Variants in RBM47 observed in about 807,000 individuals in gnomAD.
RBM47 encodes the protein RNA-binding protein 47.
A neutral mutation model predicts 47.1 loss-of-function variants in RBM47; 21 were observed. The observed-to-expected ratio is 0.45, with a 90% confidence interval of 0.32 to 0.64. RBM47 has a LOEUF of 0.64. Among genes scored for constraint, RBM47 ranks in the 30% least tolerant of loss-of-function variants. The pLI is 0.05. For synonymous variants in RBM47, 375 were observed against 361.7 expected (o/e 1.04, Z -0.42); for missense variants, 708 against 870.9 (o/e 0.81, Z 2.35).
chr4:40,440,475 T>G (rs537548623), intron 3 of RBM47, among the ~76,000 whole-genome samples: 2 of 152,302 alleles, frequency 1.3e-5, no homozygotes, highest in South Asian at 4.1e-4. Flanking sequence ...CTAGGAGATG[T>G]ATACAAGAAT....
intron 2 of RBM47, among the ~76,000 whole-genome samples, chr4:40,504,334 A>G (rs1171301046): frequency 1.4e-5 from 2 of 138,546 alleles, no homozygotes; most frequent in Non-Finnish European, 3.0e-5. Flanking sequence ...TGTGTCACCC[A>G]GTCTAGAGTG....
intron 1 of RBM47, among the ~76,000 whole-genome samples, chr4:40,569,704 C>T (rs577540640): frequency 3.3e-5 from 5 of 149,540 alleles, no homozygotes; most frequent in South Asian, 2.1e-4. Flanking sequence ...TCACCACGCC[C>T]GGCTCTATTC....
At position 40,498,768 on chromosome 4, in the gene RBM47, G is replaced by A. The variant is rs143333584; in HGVS notation, c.-154-32069C>T. ...AAGGTATAAGGCATTTATACATAGC[G>A]TCTGAAAATACAAGTTTTCACTTCT... On this transcript the variant is annotated intron_variant, in intron 2 of 6. Coordinates refer to ENST00000295971, the MANE Select transcript of RBM47 (RefSeq NM_001098634.2). Among the ~76,000 whole-genome samples the A allele has an allele frequency of 4.6e-3, 696 of 151,872 alleles. 5 individuals carry two copies. The highest frequency in any genetic ancestry group is 0.016 in the African/African-American group (652 of 41,398).
At chr4:40,593,883 C>CAAAA (rs34280289) in intron 1 of RBM47, among the ~76,000 whole-genome samples, 3 of 116,256 alleles carry the variant, frequency 2.6e-5, no homozygotes, top group African/African-American at 6.7e-5. Flanking sequence ...GACTCTGTCT[C>CAAAA]AAAAAAAAAA....
At chr4:40,457,553 T>C (rs575987350) in intron 3 of RBM47, among the ~76,000 whole-genome samples, 1 of 152,248 alleles carries the variant, frequency 6.6e-6, no homozygotes, top group South Asian at 2.1e-4. Flanking sequence ...GTGATTTTCG[T>C]GCCTCAGCCT....
chr4:40,490,132 A>G (rs1465746951), intron 2 of RBM47, among the ~76,000 whole-genome samples: 24 of 152,200 alleles, frequency 1.6e-4, no homozygotes, highest in Non-Finnish European at 5.9e-5. Context: ...AACTTCTTCA[A>G]TCTGATAAAT....
intron 2 of RBM47, among the ~76,000 whole-genome samples, chr4:40,478,183 T>C (rs1719905065): frequency 6.6e-6 from 1 of 151,632 alleles, no homozygotes; most frequent in South Asian, 2.1e-4. Context: ...GCCCGGATAA[T>C]TTTGTATTTT....
intron 2 of RBM47, among the ~76,000 whole-genome samples, chr4:40,532,984 T>C (rs1213757267): frequency 1.3e-5 from 2 of 152,094 alleles, no homozygotes; most frequent in Admixed American, 1.3e-4. Context: ...GGACAGGATA[T>C]GAATGGGGCA....
intron 3 of RBM47, among the ~76,000 whole-genome samples, chr4:40,457,566 G>A (rs1219617818): frequency 6.6e-6 from 1 of 152,040 alleles, no homozygotes; most frequent in Non-Finnish European, 1.5e-5. Flanking sequence ...CTCAGCCTGG[G>A]ATTACAGGTG....
intron 1 of RBM47, among the ~76,000 whole-genome samples, chr4:40,561,572 C>A (rs1258112609): frequency 5.3e-5 from 7 of 131,070 alleles, no homozygotes; most frequent in Non-Finnish European, 7.8e-5. Context: ...TTTTTTGAGA[C>A]AGGGTCTTGC....
At chr4:40,514,794 G>C (rs937116550) in intron 2 of RBM47, 3 of 152,246 alleles carry the variant, frequency 2.0e-5, no homozygotes, top group African/African-American at 7.2e-5. Flanking sequence ...CAGGTGGTGG[G>C]GGCGGAGTTG....
intron 2 of RBM47, among the ~76,000 whole-genome samples, chr4:40,480,165 A>G (rs1720190112): frequency 1.3e-5 from 2 of 151,862 alleles, no homozygotes; most frequent in African/African-American, 4.8e-5. Context: ...TTCAGTAGAA[A>G]CAGGGTTTCA....
At position 40,437,854 on chromosome 4, in the gene RBM47, T is replaced by A; in HGVS notation, c.1040A>T (p.Tyr347Phe). 1 of 1,613,916 alleles carries A rather than the reference T, an allele frequency of 6.2e-7. No individual in the cohort carries two copies. Among genetic ancestry groups the A allele is most frequent in the Non-Finnish European group, 8.5e-7 (1 of 1,179,982 alleles). Residue 347 changes from tyrosine (Y) to phenylalanine (F), a missense_variant, in exon 4 of 7, where the codon TAC becomes TTC. By Grantham distance (22) the Tyr-to-Phe change is conservative. Transcript: ENST00000295971. ...GGCCAGTGTGTAGGGGTCGCAGGAG[T>A]ACACGTAGCTGGGCTGCTGCGCTGC... ...AEAAQQPSYV[Y>F]SCDPYTLAYY...
intron 2 of RBM47, among the ~76,000 whole-genome samples, chr4:40,524,545 T>C (rs1726515714): frequency 6.6e-6 from 1 of 152,222 alleles, no homozygotes; most frequent in Non-Finnish European, 1.5e-5. Flanking sequence ...GGAAGTGCCG[T>C]GTGTGTCAAG....
At chr4:40,504,000 C>G (rs1376306006) in intron 2 of RBM47, among the ~76,000 whole-genome samples, 1 of 151,828 alleles carries the variant, frequency 6.6e-6, no homozygotes, top group South Asian at 2.1e-4. Flanking sequence ...TAGTGAGACC[C>G]CCGTCTTGGA....
At chr4:40,432,202 TTACACACACACAC>T (rs1369371842) in intron 6 of RBM47, among the ~76,000 whole-genome samples, 813 of 77,698 alleles carry the variant, frequency 0.01, 3 homozygotes, top group Non-Finnish European at 0.014. Flanking sequence ...CTCTCTCTCT[TTACACACACACAC>T]ACACACACAC....
At chr4:40,484,579 A>C (rs1720834860) in intron 2 of RBM47, among the ~76,000 whole-genome samples, 1 of 152,192 alleles carries the variant, frequency 6.6e-6, no homozygotes, top group African/African-American at 2.4e-5. Context: ...CATCCATAAC[A>C]TTGCAGGCTT....
chr4:40,470,401 G>A (rs563520309), intron 2 of RBM47, among the ~76,000 whole-genome samples: 6 of 152,106 alleles, frequency 3.9e-5, no homozygotes, highest in South Asian at 2.1e-4. Context: ...TCATGACTCC[G>A]TCTTCAACAC....
Position 40,486,161 on chromosome 4 carries a change from T to C in RBM47, c.-154-19462A>G, listed in dbSNP as rs536219373. On this transcript the variant is annotated intron_variant, in intron 2 of 6. Coordinates refer to ENST00000295971, the MANE Select transcript of RBM47 (RefSeq NM_001098634.2). ...CTAAGGAAGAAACTGATTATTTATC[T>C]GAATTTCAAATTGAACTAAACATTG... is the stretch of plus-strand genomic sequence containing the variant. Among the ~76,000 whole-genome samples the C allele has an allele frequency of 2.6e-5, 4 of 151,592 alleles. No individual in the cohort carries two copies. In the East Asian group the frequency reaches 7.7e-4, roughly 29 times the overall value.
Sources: gnomAD v4.1 joint callset for allele counts (sites outside exome capture counted in the v4.1 genomes callset) on GRCh38, gnomAD v4.1.1 for gene constraint, MANE v1.5 for transcripts, NCBI Gene and HGNC (gene_info 2026-07-23, HGNC 2026-07-21) for gene names.